The following TGFBR3 variants were observed in gnomAD, a reference collection of about 807,000 sequenced individuals.
TGFBR3 encodes the protein transforming growth factor beta receptor type 3.
Under a neutral mutation model 87.9 loss-of-function variants are expected in TGFBR3, and 46 were observed. The observed-to-expected ratio is 0.52, with a 90% confidence interval of 0.41 to 0.67. The LOEUF (loss-of-function observed/expected upper bound fraction) is 0.67. TGFBR3 is among the 30% of genes least tolerant of loss of function. The pLI, the probability that TGFBR3 is intolerant of heterozygous loss-of-function variation, is 0.00. For synonymous variants in TGFBR3, 381 were observed against 391.6 expected, an observed-to-expected ratio of 0.97 and a Z score of 0.32; for missense variants, 866 against 1,041.9, an observed-to-expected ratio of 0.83 and a Z score of 2.32.
At chr1:91,736,944 T>C (rs1374122695) in intron 4 of TGFBR3, among the ~76,000 whole-genome samples, 1 of 152,208 alleles carries the variant, frequency 6.6e-6, no homozygotes, top group Admixed American at 6.5e-5. Flanking sequence ...GTCACACTGG[T>C]GCATTCCAGA....
intron 14 of TGFBR3, among the ~76,000 whole-genome samples, chr1:91,701,996 T>C (rs201487276): frequency 1.5e-3 from 234 of 152,276 alleles, no homozygotes; most frequent in Non-Finnish European, 3.0e-3. Context: ...GGTGGGTGAT[T>C]TTTATTCCAG....
intron 5 of TGFBR3, among the ~76,000 whole-genome samples, chr1:91,732,040 G>A (rs1423186701): frequency 6.6e-6 from 1 of 152,154 alleles, no homozygotes; most frequent in Non-Finnish European, 1.5e-5. Flanking sequence ...GGGAATTCCC[G>A]GGTAGAAACC....
intron 1 of TGFBR3, among the ~76,000 whole-genome samples, chr1:91,873,097 A>G (rs1006473320): frequency 6.6e-6 from 1 of 151,800 alleles, no homozygotes; most frequent in Non-Finnish European, 1.5e-5. Flanking sequence ...AGTCCCTTTA[A>G]GCAGGGACTA....
At chr1:91,753,807 T>A (rs12038005) in intron 4 of TGFBR3, among the ~76,000 whole-genome samples, 52,895 of 152,080 alleles carry the variant, frequency 0.35, 9,894 homozygotes, top group East Asian at 0.45. Flanking sequence ...ATGGCTAATA[T>A]TCCATTATAT....
intron 14 of TGFBR3, among the ~76,000 whole-genome samples, chr1:91,703,060 A>G (rs902202228): frequency 6.6e-6 from 1 of 152,038 alleles, no homozygotes; most frequent in Admixed American, 6.5e-5. Context: ...TAAATAAATA[A>G]ATAATGTAAA....
intron 7 of TGFBR3, among the ~76,000 whole-genome samples, 173 bp downstream of exon 7, chr1:91,727,486 T>C (rs1050276224): frequency 5.3e-5 from 8 of 152,228 alleles, no homozygotes; most frequent in Non-Finnish European, 1.5e-5. Context: ...CAAGGCCATG[T>C]TTGAACAACC....
intron 2 of TGFBR3, among the ~76,000 whole-genome samples, chr1:91,830,943 G>A (rs1024424238): frequency 6.6e-6 from 1 of 152,092 alleles, no homozygotes; most frequent in Non-Finnish European, 1.5e-5. Context: ...CCCATAGCAG[G>A]AAGCACAACA....
intron 2 of TGFBR3, among the ~76,000 whole-genome samples, chr1:91,834,523 T>C (rs1220249823): frequency 6.6e-6 from 1 of 152,206 alleles, no homozygotes; most frequent in Non-Finnish European, 1.5e-5. Context: ...ATCATTTGAA[T>C]ACCGAACACC....
Position 91,716,649 on chromosome 1 carries a change from A to G in TGFBR3, c.1626T>C (p.Asp542=). 5 of 1,614,128 alleles carry G rather than the reference A, an allele frequency of 3.1e-6. No individual in the cohort carries two copies. Among genetic ancestry groups the G allele is most frequent in the Non-Finnish European group, 4.2e-6 (5 of 1,180,022 alleles). ...GAAATCCATTATCACCTGACTCCAG[A>G]TCTTCATAACCATCTGGCCAACCAC... ...DSSGWPDGYE[D]LESGDNGFPG... is the part of the protein sequence containing the mutation. The change falls in exon 11 of 17, where the codon GAT becomes GAC. Residue 542 remains aspartate (D), a synonymous_variant. Coordinates refer to ENST00000212355, the MANE Select transcript of TGFBR3 (RefSeq NM_003243.5).
chr1:91,905,733 TA>T (rs1370918897), intron 1 of TGFBR3: 1 of 152,246 alleles, frequency 6.6e-6, no homozygotes, highest in Non-Finnish European at 1.5e-5. Context: ...TGATCATTCT[TA>T]CCCCTAGATG....
At chr1:91,843,157 G>A (rs924620544) in intron 2 of TGFBR3, among the ~76,000 whole-genome samples, 3 of 152,140 alleles carry the variant, frequency 2.0e-5, no homozygotes, top group Non-Finnish European at 2.9e-5. Flanking sequence ...CATGTGTTAC[G>A]GACTGAATGT....
intron 2 of TGFBR3, among the ~76,000 whole-genome samples, chr1:91,823,180 A>G (rs1273095746): frequency 6.6e-6 from 1 of 151,850 alleles, no homozygotes; most frequent in Non-Finnish European, 1.5e-5. Context: ...GGAAGATGAG[A>G]AGGGTCAAAA....
intron 2 of TGFBR3, among the ~76,000 whole-genome samples, chr1:91,803,428 A>C (rs1164731235): frequency 6.6e-6 from 1 of 152,168 alleles, no homozygotes; most frequent in African/African-American, 2.4e-5. Flanking sequence ...GCAGCACTAG[A>C]GCAAGCCTTT....
intron 12 of TGFBR3, among the ~76,000 whole-genome samples, chr1:91,713,559 A>G (rs909169028): frequency 2.0e-5 from 3 of 152,234 alleles, no homozygotes; most frequent in African/African-American, 7.2e-5. Context: ...GAATCATTTC[A>G]AAAGACATGG....
Position 91,759,352 on chromosome 1 carries a change from AGAATAAAGAGT to A in TGFBR3, c.247-613_247-603del, listed in dbSNP as rs1477896543. Among the ~76,000 whole-genome samples, 6 of 150,174 alleles carry A rather than the reference AGAATAAAGAGT, an allele frequency of 4.0e-5. 1 individual carries two copies. Among genetic ancestry groups the A allele is most frequent in the Admixed American group, 2.0e-4 (3 of 15,022 alleles). ...AAGAAATGAAGCACAGAGGACACAC[AGAATAAAGAGT>A]GATTGTATACAGCCCCTGTCAAAAA... is the stretch of plus-strand genomic sequence containing the variant. On this transcript the variant is annotated intron_variant, in intron 3 of 16. Transcript: ENST00000212355.
upstream of TGFBR3, among the ~76,000 whole-genome samples, chr1:91,887,988 C>T (rs1679370390): frequency 6.6e-6 from 1 of 152,204 alleles, no homozygotes; most frequent in African/African-American, 2.4e-5. Context: ...TGTGTCCCCA[C>T]CCAAATCTCA....
In TGFBR3 at chr1:91,812,449, T is replaced by C. The variant is rs574636085; in HGVS notation, c.62-14978A>G. On this transcript the variant is annotated intron_variant, in intron 2 of 16. Transcript: ENST00000212355. ...TAAAATGTACTACATGCATAATTTCTTCTTGGCCATCTTAAATATTTTGAG... is the reference window on the plus strand; with the variant it reads ...TAAAATGTACTACATGCATAATTTCCTCTTGGCCATCTTAAATATTTTGAG... Among the ~76,000 whole-genome samples the C allele has an allele frequency of 1.5e-4, 23 of 152,358 alleles. No individual in the cohort carries two copies. In the South Asian group the frequency reaches 4.8e-3, roughly 32 times the overall value.
intron 4 of TGFBR3, among the ~76,000 whole-genome samples, chr1:91,756,784 A>C (rs906128374): frequency 6.6e-6 from 1 of 152,170 alleles, no homozygotes; most frequent in Non-Finnish European, 1.5e-5. Context: ...TGCTAGTACA[A>C]AGGACTCTAC....
At chr1:91,888,974 T>C (rs1273161512), upstream of TGFBR3, among the ~76,000 whole-genome samples, 1 of 152,038 alleles carries the variant, frequency 6.6e-6, no homozygotes, top group Non-Finnish European at 1.5e-5. Context: ...CTCTGCCTCC[T>C]GGGCTCAAGC....
Sources: allele counts gnomAD v4.1 joint callset (sites outside exome capture counted in the v4.1 genomes callset), GRCh38; gene constraint gnomAD v4.1.1; transcripts MANE v1.5; gene names NCBI Gene and HGNC (gene_info 2026-07-23, HGNC 2026-07-21).